Variants in FSTL4 observed in about 807,000 individuals in gnomAD.
The protein encoded by FSTL4 is follistatin-related protein 4.
FSTL4 carries 28 observed loss-of-function variants against 78.2 expected under a neutral mutation model. The ratio of observed to expected loss-of-function variants is 0.36; its 90% CI spans 0.27 to 0.49. The LOEUF (loss-of-function observed/expected upper bound fraction) is 0.49, where lower values mean the gene tolerates loss of function less well. FSTL4 is among the 20% of genes least tolerant of loss of function. The pLI is 0.98. For missense variants in FSTL4, 922 were observed against 1,084.9 expected (o/e 0.85, Z 2.11); for synonymous variants, 422 against 440.5 (o/e 0.96, Z 0.53).
At chr5:133,514,254 T>A (rs948476270) in intron 3 of FSTL4, among the ~76,000 whole-genome samples, 5 of 150,574 alleles carry the variant, frequency 3.3e-5, no homozygotes, top group African/African-American at 1.2e-4. Flanking sequence ...ACAGGAGGAA[T>A]CTCTAGAGAA....
chr5:133,644,316 T>A, the FSTL4 span, among the ~76,000 whole-genome samples: 1 of 149,916 alleles, frequency 6.7e-6, no homozygotes, highest in African/African-American at 2.5e-5. Flanking sequence ...TTGTGTGTGT[T>A]TTTTTTTTCT....
Position 133,225,716 on chromosome 5 carries a change from A to G in FSTL4, c.1119T>C (p.Thr373=), listed in dbSNP as rs760884184. Residue 373 remains threonine (T), a synonymous_variant, in exon 9 of 16, where the codon ACT becomes ACC. Coordinates refer to ENST00000265342, the MANE Select transcript of FSTL4 (RefSeq NM_015082.2). This position sits in a 1 kb window ranked among gnomAD's most constrained non-coding sequence, Gnocchi z 4.6. Reference sequence around the variant, plus strand: ...AGACATCCACGCCGTTTTTCAGCCAAGTGATTCTGGGCATGGGAATGCCCT... The same window carrying G: ...AGACATCCACGCCGTTTTTCAGCCAGGTGATTCTGGGCATGGGAATGCCCT... ...HAEGIPMPRI[T]WLKNGVDVST... is the part of the protein sequence containing the mutation. 1.2e-6 allele frequency: 2 copies of G among 1,612,454 alleles called. No homozygotes were observed. The highest frequency in any genetic ancestry group is 1.3e-5 in the African/African-American group (1 of 74,976).
intron 6 of FSTL4, chr5:133,312,397 A>G (rs1250869971): frequency 1.0e-5 from 5 of 482,536 alleles, no homozygotes; most frequent in Non-Finnish European, 1.8e-5. Context: ...CTATGCTTCA[A>G]TTACAGTCCT....
rs1489077960 is a variant in FSTL4, at chr5:133,197,207, A to AAAG, written c.*1885_*1887dup. On this transcript the variant is annotated 3_prime_UTR_variant, in exon 16 of 16. Coordinates refer to ENST00000265342, the MANE Select transcript of FSTL4 (RefSeq NM_015082.2). The stretch of plus-strand genomic sequence containing the variant: ...GATACAATGGAAATTTTTCCAAAAA[A>AAAG]AAGTTTATGAAAGTTGGAGAATTTT... 1 of 152,130 alleles carries AAAG rather than the reference A, an allele frequency of 6.6e-6. No homozygotes were observed. Among genetic ancestry groups the AAAG allele is most frequent in the Non-Finnish European group, 1.5e-5 (1 of 68,028 alleles). 9.4% of individuals were successfully genotyped at this position (152,130 alleles called of 1,614,324 possible). A position where few individuals can be genotyped will look rare whatever the true frequency, so the allele number is the denominator to read the frequency against.
At chr5:133,290,580 A>C (rs1022684855) in intron 6 of FSTL4, among the ~76,000 whole-genome samples, 2 of 152,200 alleles carry the variant, frequency 1.3e-5, no homozygotes, top group Non-Finnish European at 2.9e-5. Context: ...TGACATGGCT[A>C]TCTGAAGCCC....
chr5:133,521,361 G>T (rs155578), intron 3 of FSTL4, among the ~76,000 whole-genome samples: 26,071 of 152,120 alleles, frequency 0.17, 2,433 homozygotes, highest in African/African-American at 0.23. Flanking sequence ...TGGAACCAGT[G>T]ATCACTAGTC....
At chr5:133,785,413 C>T in the FSTL4 span, among the ~76,000 whole-genome samples, 2 of 152,180 alleles carry the variant, frequency 1.3e-5, no homozygotes, top group Admixed American at 1.3e-4. Flanking sequence ...TTACTGCCCC[C>T]ATCAGGCTCC....
chr5:133,541,660 A>C (rs1759475451), intron 3 of FSTL4, among the ~76,000 whole-genome samples: 1 of 152,202 alleles, frequency 6.6e-6, no homozygotes, highest in Non-Finnish European at 1.5e-5. Flanking sequence ...TTTAAAGCTC[A>C]AATTGTCCAG....
At chr5:133,785,017 G>A in the FSTL4 span, among the ~76,000 whole-genome samples, 5 of 152,300 alleles carry the variant, frequency 3.3e-5, no homozygotes, top group East Asian at 9.6e-4. Context: ...GCCATAAGGA[G>A]GATGACAACC....
chr5:133,670,066 T>C, the FSTL4 span, among the ~76,000 whole-genome samples: 2 of 152,296 alleles, frequency 1.3e-5, no homozygotes, highest in East Asian at 1.9e-4. Context: ...CACACTGCTG[T>C]AGGACCCATG....
chr5:133,458,930 C>T (rs766650884), intron 3 of FSTL4, among the ~76,000 whole-genome samples: 24 of 152,282 alleles, frequency 1.6e-4, no homozygotes, highest in Non-Finnish European at 2.8e-4. Context: ...CTGTTGTAGA[C>T]GGGGACGGAG....
At chr5:133,716,515 G>A in the FSTL4 span, among the ~76,000 whole-genome samples, 10 of 152,022 alleles carry the variant, frequency 6.6e-5, no homozygotes, top group Non-Finnish European at 1.5e-4. Flanking sequence ...TGTGTTTTAA[G>A]CTTCCCTGCA....
At chr5:133,499,228 C>T (rs2112875810) in intron 3 of FSTL4, among the ~76,000 whole-genome samples, 1 of 152,198 alleles carries the variant, frequency 6.6e-6, no homozygotes, top group South Asian at 2.1e-4. Context: ...TGTCTAATGT[C>T]CTGGGATGGC....
chr5:133,764,099 T>G, the FSTL4 span, among the ~76,000 whole-genome samples: 1 of 152,256 alleles, frequency 6.6e-6, no homozygotes, highest in South Asian at 2.1e-4. Context: ...AATTTGTCTT[T>G]CCTCTTGCAG....
At chr5:133,716,181 C>A in the FSTL4 span, among the ~76,000 whole-genome samples, 1 of 152,066 alleles carries the variant, frequency 6.6e-6, no homozygotes. Flanking sequence ...AGAATGGATC[C>A]AATTTTTAGC....
At chr5:133,232,613 G>A (rs909871454) in intron 8 of FSTL4, among the ~76,000 whole-genome samples, 15 of 152,190 alleles carry the variant, frequency 9.9e-5, no homozygotes, top group African/African-American at 3.4e-4. Context: ...TTCATCAGAC[G>A]AGGTTGAGGC....
At chr5:133,642,122 C>G in the FSTL4 span, among the ~76,000 whole-genome samples, 1 of 152,110 alleles carries the variant, frequency 6.6e-6, no homozygotes, top group East Asian at 1.9e-4. Context: ...TGAAATACAC[C>G]ACATAAGACT....
chr5:133,457,400 A>C (rs1757512680), intron 3 of FSTL4, among the ~76,000 whole-genome samples: 1 of 152,232 alleles, frequency 6.6e-6, no homozygotes, highest in South Asian at 2.1e-4. Context: ...TGGAGCACAC[A>C]GGTGGGTGGT....
intron 3 of FSTL4, among the ~76,000 whole-genome samples, chr5:133,490,252 T>C (rs1004361620): frequency 1.6e-4 from 24 of 152,138 alleles, no homozygotes; most frequent in Non-Finnish European, 3.2e-4. Flanking sequence ...AATAACAAAC[T>C]GATCTACTTC....
Sources: allele counts gnomAD v4.1 joint callset (sites outside exome capture counted in the v4.1 genomes callset), GRCh38; gene constraint gnomAD v4.1.1; non-coding constraint Gnocchi (gnomAD v3.1); transcripts MANE v1.5; gene names NCBI Gene and HGNC (gene_info 2026-07-23, HGNC 2026-07-21).